The following PDGFC variants were observed in gnomAD, a reference collection of about 807,000 sequenced individuals.
PDGFC encodes platelet-derived growth factor C.
In PDGFC, 12 loss-of-function variants were observed where a neutral mutation model predicts 35.5. The ratio of observed to expected loss-of-function variants is 0.34; its 90% confidence interval spans 0.22 to 0.55. The LOEUF is 0.55. Ranked by LOEUF, PDGFC falls within the 20% of genes least tolerant of loss-of-function variation. PDGFC has a pLI of 0.91. For synonymous variants in PDGFC, 159 were observed against 148.8 expected (o/e 1.07, Z -0.50); for missense variants, 322 against 412.4 (o/e 0.78, Z 1.90).
chr4:156,815,060 T>G (rs1441689773), intron 2 of PDGFC, among the ~76,000 whole-genome samples: 1 of 152,124 alleles, frequency 6.6e-6, no homozygotes, highest in Non-Finnish European at 1.5e-5. Flanking sequence ...CTTTGAAAAA[T>G]CTATATAGTT....
rs1009262646 is a variant in PDGFC at position 156,790,703 on chromosome 4, T to C, written c.496-17810A>G. ...CTCAAGATGTGAACTCCAAAACTTATACCAATTATTTATTGAGATTTTTTC... is the reference window on the plus strand; with the variant it reads ...CTCAAGATGTGAACTCCAAAACTTACACCAATTATTTATTGAGATTTTTTC... On this transcript the variant is annotated intron_variant, in intron 3 of 5. Coordinates refer to ENST00000502773, the MANE Select transcript of PDGFC (RefSeq NM_016205.3). Among the ~76,000 whole-genome samples, 17 of 152,354 alleles carry C rather than the reference T, an allele frequency of 1.1e-4. 1 individual carries two copies. Among genetic ancestry groups the C allele is most frequent in the Admixed American group, 9.8e-4 (15 of 15,306 alleles).
At chr4:156,954,631 T>G (rs941118138) in intron 1 of PDGFC, among the ~76,000 whole-genome samples, 1 of 152,042 alleles carries the variant, frequency 6.6e-6, no homozygotes, top group Non-Finnish European at 1.5e-5. Flanking sequence ...ATGATACATT[T>G]TTTTTTCTTA....
At chr4:156,934,252 T>G (rs1731623821) in intron 1 of PDGFC, among the ~76,000 whole-genome samples, 1 of 152,260 alleles carries the variant, frequency 6.6e-6, no homozygotes. Context: ...TACAGCCTAC[T>G]GCTCCCAGAC....
chr4:156,939,782 C>A (rs1731764574), intron 1 of PDGFC, among the ~76,000 whole-genome samples: 1 of 151,960 alleles, frequency 6.6e-6, no homozygotes, highest in African/African-American at 2.4e-5. Flanking sequence ...TAAATATTAC[C>A]CAGATAATAC....
At chr4:156,946,576 G>A (rs1245062978) in intron 1 of PDGFC, among the ~76,000 whole-genome samples, 2 of 151,978 alleles carry the variant, frequency 1.3e-5, no homozygotes, top group Non-Finnish European at 2.9e-5. Flanking sequence ...AATTTGCCTA[G>A]GTCCCCGAAG....
chr4:156,923,396 A>C (rs941794108), intron 1 of PDGFC, among the ~76,000 whole-genome samples: 3 of 152,204 alleles, frequency 2.0e-5, no homozygotes, highest in Non-Finnish European at 4.4e-5. Context: ...AAAAACAATA[A>C]AGAGAAAATA....
At chr4:156,941,368 G>T (rs575214025) in intron 1 of PDGFC, among the ~76,000 whole-genome samples, 1 of 152,100 alleles carries the variant, frequency 6.6e-6, no homozygotes, top group Non-Finnish European at 1.5e-5. Context: ...AAACTGCACG[G>T]GATGACGGTC....
At chr4:156,890,816 A>T (rs1368403546) in intron 1 of PDGFC, among the ~76,000 whole-genome samples, 1 of 152,230 alleles carries the variant, frequency 6.6e-6, no homozygotes, top group East Asian at 1.9e-4. Flanking sequence ...ATAAATTTAA[A>T]GAATATCTTT....
At chr4:156,899,990 A>G (rs574955866) in intron 1 of PDGFC, among the ~76,000 whole-genome samples, 2 of 152,292 alleles carry the variant, frequency 1.3e-5, no homozygotes, top group Non-Finnish European at 1.5e-5. Flanking sequence ...ACTTATCATA[A>G]TTCATTTATA....
Position 156,959,085 on chromosome 4 carries a change from T to G in PDGFC, c.118+11701A>C, listed in dbSNP as rs76264918. On this transcript the variant is annotated intron_variant, in intron 1 of 5. Coordinates refer to ENST00000502773, the MANE Select transcript of PDGFC (RefSeq NM_016205.3). The stretch of plus-strand genomic sequence containing the variant: ...TTCTATTTCAATCATCTTATTTTCC[T>G]TGAAAAGAACCTAATGATACCAGAA... Among the ~76,000 whole-genome samples the G allele has an allele frequency of 4.4e-3, 676 of 152,186 alleles. 21 individuals are homozygous for G. In the East Asian group the frequency reaches 0.1, roughly 23 times the overall value.
chr4:156,876,278 C>T (rs1730114842), intron 1 of PDGFC, among the ~76,000 whole-genome samples: 1 of 152,054 alleles, frequency 6.6e-6, no homozygotes, highest in African/African-American at 2.4e-5. Context: ...CAAATTAACC[C>T]AAATAAGTAT....
At chr4:156,851,782 T>C (rs1729459558) in intron 1 of PDGFC, among the ~76,000 whole-genome samples, 1 of 151,314 alleles carries the variant, frequency 6.6e-6, no homozygotes, top group African/African-American at 2.4e-5. Context: ...ATACAAAAAA[T>C]TAGCGGGGTG....
chr4:156,943,797 G>C (rs912422399), intron 1 of PDGFC, among the ~76,000 whole-genome samples: 1 of 152,128 alleles, frequency 6.6e-6, no homozygotes, highest in Admixed American at 6.6e-5. Flanking sequence ...GAAGGGTTAA[G>C]TGGTGAAGTC....
chr4:156,798,413 T>C (rs1251373380), intron 3 of PDGFC, among the ~76,000 whole-genome samples: 1 of 152,112 alleles, frequency 6.6e-6, no homozygotes, highest in Non-Finnish European at 1.5e-5. Context: ...TAATGCCAAA[T>C]AAAGACTGTA....
chr4:156,864,679 T>G (rs534915611), intron 1 of PDGFC, among the ~76,000 whole-genome samples: 3 of 152,080 alleles, frequency 2.0e-5, no homozygotes, highest in Admixed American at 6.6e-5. Context: ...CAGTACAATA[T>G]AGTAGCACCA....
At chr4:156,964,944 T>C (rs1732430992) in intron 1 of PDGFC, among the ~76,000 whole-genome samples, 1 of 152,206 alleles carries the variant, frequency 6.6e-6, no homozygotes, top group South Asian at 2.1e-4. Context: ...TGCAACATTT[T>C]CAAGAGTCCT....
chr4:156,864,301 C>T lies in PDGFC; in HGVS notation c.119-13885G>A, dbSNP rs905580180. 3.9e-5 allele frequency among the ~76,000 whole-genome samples: 6 copies of T among 151,970 alleles called. No homozygotes were observed. The East Asian group carries it at 1.2e-3, about 29-fold the overall frequency. On this transcript the variant is annotated intron_variant, in intron 1 of 5. Transcript: ENST00000502773. ...CAAAAAGACACCAGCAACTGATTAC[C>T]GTGTCATAAAATCTGTTTCTATGGA...
In PDGFC at chr4:156,822,273, G is replaced by A. The variant is rs556606880; in HGVS notation, c.315-11256C>T. ...ACCTGGGAGGCTGAGGCAGGAGAAT[G>A]GCGTGAACCCGGGAGGCGGAGCTTG... On this transcript the variant is annotated intron_variant, in intron 2 of 5. Coordinates refer to ENST00000502773, the MANE Select transcript of PDGFC (RefSeq NM_016205.3). Among the ~76,000 whole-genome samples the A allele has an allele frequency of 5.9e-4, 89 of 150,988 alleles. 3 individuals carry two copies. In the South Asian group the frequency reaches 0.018, roughly 31 times the overall value.
In PDGFC at chr4:156,850,349, C is replaced by T; in HGVS notation, c.186G>A (p.Arg62=). The change falls in exon 2 of 6, where the codon AGG becomes AGA. Residue 62 remains arginine (R), a synonymous_variant. Transcript: ENST00000502773. ...TATTTCTTGGATAAGTATGAGGAAA[C>T]CTTGGGCTGTGAATACTTCCATTAG... ...VSTNGSIHSP[R]FPHTYPRNTV... 10 of 1,609,528 alleles carry T rather than the reference C, an allele frequency of 6.2e-6. No individual in the cohort carries two copies. The highest frequency in any genetic ancestry group is 8.5e-6 in the Non-Finnish European group (10 of 1,177,008).
Sources: allele counts gnomAD v4.1 joint callset (sites outside exome capture counted in the v4.1 genomes callset), GRCh38; gene constraint gnomAD v4.1.1; transcripts MANE v1.5; gene names NCBI Gene and HGNC (gene_info 2026-07-23, HGNC 2026-07-21).